RGS12: variants seen among roughly 807,000 people sequenced by gnomAD.
The protein encoded by RGS12 is regulator of G protein signaling 12.
A neutral mutation model predicts 120.1 loss-of-function variants in RGS12; 66 were observed. The observed-to-expected ratio is 0.55, with a 90% CI of 0.45 to 0.67. The LOEUF (loss-of-function observed/expected upper bound fraction) is 0.67, where lower values mean the gene tolerates loss of function less well. Among genes scored for constraint, RGS12 ranks in the 30% least tolerant of loss-of-function variants. The pLI, the probability that RGS12 is intolerant of heterozygous loss-of-function variation, is 0.00. For synonymous variants in RGS12, 827 were observed against 804.7 expected, an observed-to-expected ratio of 1.03 and a Z score of -0.47; for missense variants, 1,859 against 1,957.7, an observed-to-expected ratio of 0.95 and a Z score of 0.95.
At chr4:3,379,192 C>T (rs1214253612) in intron 3 of RGS12, among the ~76,000 whole-genome samples, 1 of 152,170 alleles carries the variant, frequency 6.6e-6, no homozygotes, top group Non-Finnish European at 1.5e-5. Flanking sequence ...TAGATTGGTG[C>T]TTACCAGTGC....
At chr4:3,394,443 G>A (rs1194024401) in intron 4 of RGS12, among the ~76,000 whole-genome samples, 2 of 152,310 alleles carry the variant, frequency 1.3e-5, no homozygotes, top group Middle Eastern at 3.4e-3. Context: ...GATTACAGGC[G>A]TGAGCTACCA....
At chr4:3,339,242 G>A (rs913699874) in intron 2 of RGS12, among the ~76,000 whole-genome samples, 1 of 152,146 alleles carries the variant, frequency 6.6e-6, no homozygotes, top group South Asian at 2.1e-4. Flanking sequence ...CAGCACTTTG[G>A]GATGCTGAGG....
At chr4:3,400,494 T>C (rs1720468952) in intron 4 of RGS12, among the ~76,000 whole-genome samples, 1 of 152,122 alleles carries the variant, frequency 6.6e-6, no homozygotes, top group Admixed American at 6.5e-5. Flanking sequence ...ATCATATTAT[T>C]ACCACACTGG....
intron 1 of RGS12, among the ~76,000 whole-genome samples, chr4:3,302,827 G>C (rs1055942684): frequency 2.0e-5 from 3 of 152,066 alleles, no homozygotes; most frequent in Middle Eastern, 3.2e-3. Flanking sequence ...ACAGAGTCGT[G>C]GGGGGAGGAG....
At chr4:3,424,146 G>A (rs138175132) in intron 13 of RGS12, among the ~76,000 whole-genome samples, 83 of 152,388 alleles carry the variant, frequency 5.4e-4, no homozygotes, top group Admixed American at 1.6e-3. Flanking sequence ...AGAAAACACC[G>A]CGTGGGGTGG....
intron 3 of RGS12, among the ~76,000 whole-genome samples, chr4:3,375,978 G>T (rs1341111935): frequency 2.0e-5 from 3 of 152,238 alleles, no homozygotes; most frequent in African/African-American, 7.2e-5. Flanking sequence ...CTGAGACTGG[G>T]CGAGCTGAGG....
intron 13 of RGS12, among the ~76,000 whole-genome samples, chr4:3,424,665 C>A (rs1301110618): frequency 6.6e-6 from 1 of 152,236 alleles, no homozygotes; most frequent in Non-Finnish European, 1.5e-5. Flanking sequence ...TGAGCTGCGG[C>A]CCTCGGCTGC....
intron 17 of RGS12, among the ~76,000 whole-genome samples, chr4:3,435,206 C>T (rs1380312271): frequency 6.6e-6 from 1 of 152,248 alleles, no homozygotes; most frequent in East Asian, 1.9e-4. Context: ...GCGATGTTTG[C>T]CTGCCGGGGC....
At chr4:3,415,852 G>A in intron 6 of RGS12, 126 bp from the exon 7 acceptor site, 2 of 931,050 alleles carry the variant, frequency 2.1e-6, no homozygotes, top group Non-Finnish European at 3.2e-6. Context: ...ATTTATTCAA[G>A]CAAGAGGTAT....
intron 4 of RGS12, among the ~76,000 whole-genome samples, chr4:3,401,073 G>T (rs1334616731): frequency 2.6e-5 from 4 of 152,130 alleles, no homozygotes; most frequent in Non-Finnish European, 2.9e-5. Context: ...CCATGGCCAG[G>T]TCCAACTTTT....
intron 2 of RGS12, chr4:3,342,593 T>A: frequency 1.5e-6 from 2 of 1,315,910 alleles, no homozygotes; most frequent in Non-Finnish European, 2.0e-6. Context: ...TGTGTCCACT[T>A]TCCAAGCACC....
chr4:3,392,571 C>G (rs560629903), intron 4 of RGS12, among the ~76,000 whole-genome samples: 2 of 152,330 alleles, frequency 1.3e-5, no homozygotes, highest in South Asian at 2.1e-4. Context: ...ACAGCTCATT[C>G]CCTCCTGTGA....
chr4:3,368,600 G>GT (rs1299398382), intron 3 of RGS12, among the ~76,000 whole-genome samples: 4 of 132,602 alleles, frequency 3.0e-5, no homozygotes, highest in Non-Finnish European at 6.4e-5. Flanking sequence ...GCCTGTGTGT[G>GT]TGTGGGTACC....
chr4:3,436,197 T>C (rs1464741985), intron 17 of RGS12, among the ~76,000 whole-genome samples: 1 of 151,784 alleles, frequency 6.6e-6, no homozygotes, highest in African/African-American at 2.4e-5. Flanking sequence ...TCAGCAGGAG[T>C]GCACAGGCCT....
At chr4:3,348,094 T>C (rs1402239020) in intron 3 of RGS12, among the ~76,000 whole-genome samples, 1 of 152,236 alleles carries the variant, frequency 6.6e-6, no homozygotes, top group Admixed American at 6.5e-5. Flanking sequence ...TGGAAAATAC[T>C]AAAGCTAATT....
rs746724313 is a variant in RGS12 at position 3,317,468 on chromosome 4, A to G, written c.1298A>G (p.Glu433Gly). 2 of 1,613,842 alleles carry G rather than the reference A, an allele frequency of 1.2e-6. No homozygotes were observed. The highest frequency in any genetic ancestry group is 4.5e-5 in the East Asian group (2 of 44,886). The change falls in exon 2 of 18, where the codon GAG (glutamate) becomes GGG (glycine). Residue 433 changes from glutamate to glycine, a missense_variant. Glu to Gly is a moderately conservative substitution (Grantham distance 98). Transcript: ENST00000336727. ...GGCATTGGGAACTTCCACCAGGAGG[A>G]GAAGAGCAACCGGGTCCTTGTGGTG... ...DSGIGNFHQE[E>G]KSNRVLVVDL...
intron 1 of RGS12, among the ~76,000 whole-genome samples, chr4:3,313,977 T>C (rs1724572620): frequency 1.3e-5 from 2 of 151,966 alleles, no homozygotes; most frequent in Admixed American, 6.5e-5. Flanking sequence ...TACATTTATT[T>C]ATTTATTTTT....
intron 2 of RGS12, among the ~76,000 whole-genome samples, chr4:3,336,583 G>A (rs1172786018): frequency 6.6e-6 from 1 of 152,230 alleles, no homozygotes; most frequent in East Asian, 1.9e-4. Flanking sequence ...CACTGTGGGA[G>A]GGGTGGGGGT....
Position 3,372,033 on chromosome 4 carries a change from C to T in RGS12, c.1999-14383C>T, listed in dbSNP as rs1053593627. Reference sequence around the variant, plus strand: ...GCCTGGTTCCCTGGCTTTGGCAGGCCGGGAAGATGCCCGTGCCTGTCACCT... The same window carrying T: ...GCCTGGTTCCCTGGCTTTGGCAGGCTGGGAAGATGCCCGTGCCTGTCACCT... On this transcript the variant is annotated intron_variant, in intron 3 of 17. Transcript: ENST00000336727. The surrounding 1 kb of genome is among the most constrained non-coding windows in gnomAD (Gnocchi z 4.3). 3.3e-5 allele frequency among the ~76,000 whole-genome samples: 5 copies of T among 152,138 alleles called. No homozygotes were observed. Among genetic ancestry groups the T allele is most frequent in the Admixed American group, 6.5e-5 (1 of 15,282 alleles).
Sources: gnomAD v4.1 joint callset for allele counts (sites outside exome capture counted in the v4.1 genomes callset) on GRCh38, gnomAD v4.1.1 for gene constraint, Gnocchi (gnomAD v3.1) non-coding constraint, MANE v1.5 for transcripts, NCBI Gene and HGNC (gene_info 2026-07-23, HGNC 2026-07-21) for gene names.